Variants in MTF2 observed in about 807,000 individuals in gnomAD.
MTF2 encodes the protein metal-response element-binding transcription factor 2.
Under a neutral mutation model 79.5 loss-of-function variants are expected in MTF2, and 11 were observed. The observed-to-expected ratio is 0.14, with a 90% CI of 0.09 to 0.23. MTF2 has a LOEUF of 0.23. Ranked by LOEUF, MTF2 falls within the 10% of genes least tolerant of loss-of-function variation. The pLI is 1.00. For missense variants in MTF2, 486 were observed against 711.2 expected (o/e 0.68, Z 3.60); for synonymous variants, 208 against 232.8 (o/e 0.89, Z 0.97).
At chr1:93,112,739 G>A (rs1290612002) in intron 3 of MTF2, among the ~76,000 whole-genome samples, 2 of 152,158 alleles carry the variant, frequency 1.3e-5, no homozygotes, top group African/African-American at 4.8e-5. Context: ...TGGATTTAGA[G>A]TAAAGGAGAC....
At chr1:93,087,204 T>G (rs1654881609) in intron 1 of MTF2, among the ~76,000 whole-genome samples, 1 of 152,190 alleles carries the variant, frequency 6.6e-6, no homozygotes, top group African/African-American at 2.4e-5. Context: ...CTGAGGACAC[T>G]TAACAACCAA....
intron 1 of MTF2, among the ~76,000 whole-genome samples, chr1:93,080,352 A>G (rs1021413476): frequency 2.6e-5 from 4 of 152,196 alleles, no homozygotes; most frequent in African/African-American, 4.8e-5. Context: ...TCTGTGTTTT[A>G]CAATCTGGTG....
rs1656826616 is a variant in MTF2, at chr1:93,129,298, TAAAG to T, written c.1013_1016del (p.Lys338ArgfsTer51). Reference sequence around the variant, plus strand: ...TTTAGGTTTATGTCTGGGAAAGAAATAAAGAAGAAGAAGCATTTGTTTGGGTTGC... The same window carrying T: ...TTTAGGTTTATGTCTGGGAAAGAAATAAGAAGAAGCATTTGTTTGGGTTGC... On this transcript the variant is annotated frameshift_variant, in exon 11 of 15. Transcript: ENST00000370298. LOFTEE classifies it high-confidence loss of function. 1 of 1,567,148 alleles carries T rather than the reference TAAAG, an allele frequency of 6.4e-7. No homozygotes were observed. Among genetic ancestry groups the T allele is most frequent in the Non-Finnish European group, 8.7e-7 (1 of 1,155,854 alleles).
chr1:93,100,179 C>G (rs1291180695), intron 1 of MTF2, among the ~76,000 whole-genome samples: 1 of 152,250 alleles, frequency 6.6e-6, no homozygotes, highest in East Asian at 1.9e-4. Context: ...CCACTTGCCT[C>G]TGAGAGTAAG....
At chr1:93,086,040 C>G (rs1277249191) in intron 1 of MTF2, among the ~76,000 whole-genome samples, 3 of 152,128 alleles carry the variant, frequency 2.0e-5, no homozygotes, top group Non-Finnish European at 4.4e-5. Context: ...TCACTGCAAA[C>G]ACATTGTAAA....
intron 1 of MTF2, among the ~76,000 whole-genome samples, chr1:93,100,559 G>A (rs1390484375): frequency 6.6e-6 from 1 of 152,040 alleles, no homozygotes; most frequent in East Asian, 1.9e-4. Context: ...TGCCCGCCTC[G>A]GCCTCCCAAA....
chr1:93,128,507 A>C (rs546805200), intron 10 of MTF2, among the ~76,000 whole-genome samples: 1 of 150,512 alleles, frequency 6.6e-6, no homozygotes, highest in African/African-American at 2.4e-5. Context: ...CAGTGAGCCG[A>C]ATTGAGCCAC....
At position 93,120,564 on chromosome 1, in the gene MTF2, C is replaced by T. The variant is rs375144992; in HGVS notation, c.813C>T (p.His271=). 5.0e-6 allele frequency: 8 copies of T among 1,605,196 alleles called. No individual in the cohort carries two copies. Among genetic ancestry groups the T allele is most frequent in the Non-Finnish European group, 5.1e-6 (6 of 1,176,178 alleles). The part of the protein sequence containing the change: ...RLPLQWVDIA[H]LCLYNLSVIH... ...CGGATTCCAGGGTAGATATAGCACA[C>T]CTATGCCTTTACAACCTAAGTGTTA... The change falls in exon 9 of 15, where the codon CAC becomes CAT. Residue 271 remains histidine (H), a synonymous_variant. Coordinates refer to ENST00000370298, the MANE Select transcript of MTF2 (RefSeq NM_007358.4).
intron 14 of MTF2, among the ~76,000 whole-genome samples, chr1:93,134,914 G>A (rs2101100498): frequency 6.6e-6 from 1 of 150,996 alleles, no homozygotes; most frequent in African/African-American, 2.4e-5. Flanking sequence ...ATCAATAGCA[G>A]ACTCCCCTCT....
chr1:93,114,214 C>A (rs1301014771), intron 3 of MTF2, among the ~76,000 whole-genome samples: 1 of 152,118 alleles, frequency 6.6e-6, no homozygotes, highest in Admixed American at 6.5e-5. Flanking sequence ...AAAGGAAATG[C>A]TCTGAATTGA....
intron 6 of MTF2, 84 bp from the exon 7 acceptor site, chr1:93,118,261 C>CTTTTT: frequency 2.0e-5 from 10 of 505,088 alleles, no homozygotes; most frequent in Non-Finnish European, 2.8e-5. Context: ...GATTAGGCCA[C>CTTTTT]TTTTTTTTTT....
At chr1:93,127,699 A>G (rs1232657463) in intron 10 of MTF2, among the ~76,000 whole-genome samples, 2 of 152,204 alleles carry the variant, frequency 1.3e-5, no homozygotes, top group African/African-American at 2.4e-5. Flanking sequence ...ATCTGTGGTT[A>G]TAATAGTTAA....
At chr1:93,104,384 T>G (rs1655671820) in intron 1 of MTF2, among the ~76,000 whole-genome samples, 1 of 152,016 alleles carries the variant, frequency 6.6e-6, no homozygotes, top group African/African-American at 2.4e-5. Context: ...TTAGAGACAT[T>G]AGATTAAAAA....
At chr1:93,093,362 C>G (rs537608416) in intron 1 of MTF2, among the ~76,000 whole-genome samples, 6 of 152,272 alleles carry the variant, frequency 3.9e-5, no homozygotes, top group Non-Finnish European at 8.8e-5. Context: ...TCACAGTGCA[C>G]TTTTCCACAA....
chr1:93,134,241 TTTCTTTTC>T (rs1647281702), intron 14 of MTF2, 46 bp downstream of exon 14: 1 of 1,356,192 alleles, frequency 7.4e-7, no homozygotes. Flanking sequence ...TTACTCTAGA[TTTCTTTTC>T]TTTGTAAAGT....
chr1:93,105,151 A>AAG (rs2101048478), intron 1 of MTF2, among the ~76,000 whole-genome samples: 1 of 147,302 alleles, frequency 6.8e-6, no homozygotes, highest in East Asian at 1.9e-4. Flanking sequence ...CTCAAAAAAA[A>AAG]AAAAAAAAAA....
At chr1:93,107,658 C>T (rs886758570) in intron 1 of MTF2, among the ~76,000 whole-genome samples, 4 of 152,184 alleles carry the variant, frequency 2.6e-5, no homozygotes, top group African/African-American at 9.7e-5. Flanking sequence ...CTGTATAAGG[C>T]AGGTATTTTC....
chr1:93,098,172 T>G (rs1047013062), intron 1 of MTF2, among the ~76,000 whole-genome samples: 12 of 152,202 alleles, frequency 7.9e-5, no homozygotes, highest in African/African-American at 2.9e-4. Context: ...CTCATGACTT[T>G]GTGCCTTTAC....
chr1:93,087,223 A>G lies in MTF2; in HGVS notation c.5+7692A>G, dbSNP rs529165273. Among the ~76,000 whole-genome samples, 2 of 152,302 alleles carry G rather than the reference A, an allele frequency of 1.3e-5. 1 individual carries two copies. Among genetic ancestry groups the G allele is most frequent in the South Asian group, 4.1e-4 (2 of 4,824 alleles). ...GGACACTTAACAACCAAGTTGAACC[A>G]TCTGTAGGAATGCATCATTTCATCA... is the stretch of plus-strand genomic sequence containing the variant. On this transcript the variant is annotated intron_variant, in intron 1 of 14. Coordinates refer to ENST00000370298, the MANE Select transcript of MTF2 (RefSeq NM_007358.4).
Sources: allele counts gnomAD v4.1 joint callset (sites outside exome capture counted in the v4.1 genomes callset), GRCh38; gene constraint gnomAD v4.1.1; transcripts MANE v1.5; gene names NCBI Gene and HGNC (gene_info 2026-07-23, HGNC 2026-07-21).